The following NTNG1 variants were observed in gnomAD, a reference collection of about 807,000 sequenced individuals.
NTNG1 encodes netrin-G1.
Under a neutral mutation model 54.0 loss-of-function variants are expected in NTNG1, and 16 were observed. That is an observed-to-expected ratio of 0.30 (90% CI 0.20 to 0.45). The LOEUF (loss-of-function observed/expected upper bound fraction) is 0.45. Among genes scored for constraint, NTNG1 ranks in the 20% least tolerant of loss-of-function variants. The pLI, the probability that NTNG1 is intolerant of heterozygous loss-of-function variation, is 1.00. For synonymous variants in NTNG1, 255 were observed against 263.1 expected (o/e 0.97, Z 0.30); for missense variants, 530 against 678.7 (o/e 0.78, Z 2.43).
chr1:107,371,321 A>G (rs948511009), intron 3 of NTNG1, among the ~76,000 whole-genome samples: 1 of 152,064 alleles, frequency 6.6e-6, no homozygotes, highest in Non-Finnish European at 1.5e-5. Context: ...CACTTTACTT[A>G]GTCATCATGT....
chr1:107,302,674 A>T, intron 2 of NTNG1, among the ~76,000 whole-genome samples: 1 of 149,082 alleles, frequency 6.7e-6, no homozygotes, highest in Middle Eastern at 3.4e-3. Flanking sequence ...AGTATTATGA[A>T]TGTGAATCCT....
intron 2 of NTNG1, among the ~76,000 whole-genome samples, chr1:107,158,021 G>C (rs1655129030): frequency 6.6e-6 from 1 of 152,128 alleles, no homozygotes; most frequent in African/African-American, 2.4e-5. Context: ...TCATCTGAGT[G>C]CCTGCTTCTG....
At chr1:107,365,027 A>T (rs1670512312) in intron 3 of NTNG1, among the ~76,000 whole-genome samples, 1 of 152,244 alleles carries the variant, frequency 6.6e-6, no homozygotes, top group South Asian at 2.1e-4. Flanking sequence ...AACATTTTGG[A>T]TACATTAAAT....
chr1:107,411,777 G>A (rs986285505), intron 5 of NTNG1, among the ~76,000 whole-genome samples: 5 of 152,160 alleles, frequency 3.3e-5, no homozygotes, highest in Non-Finnish European at 5.9e-5. Context: ...GGAAAGCTAA[G>A]GTCCCAGGTG....
intron 2 of NTNG1, among the ~76,000 whole-genome samples, chr1:107,207,966 C>T (rs969315448): frequency 1.3e-5 from 2 of 152,114 alleles, no homozygotes; most frequent in Admixed American, 6.5e-5. Flanking sequence ...GACTCGCTAC[C>T]AGGGACTCGT....
At chr1:107,225,287 A>G (rs1570900315) in intron 2 of NTNG1, among the ~76,000 whole-genome samples, 1 of 152,154 alleles carries the variant, frequency 6.6e-6, no homozygotes, top group Non-Finnish European at 1.5e-5. Context: ...GCAGACATCA[A>G]AATCCAAGAC....
Position 107,220,122 on chromosome 1 carries a change from C to T in NTNG1, c.246+71283C>T, listed in dbSNP as rs774305191. 3.8e-4 allele frequency among the ~76,000 whole-genome samples: 58 copies of T among 152,134 alleles called. 1 individual carries two copies. The highest frequency in any genetic ancestry group is 1.2e-4 in the African/African-American group (5 of 41,426). On this transcript the variant is annotated intron_variant, in intron 2 of 7. Transcript: ENST00000370068. Reference sequence around the variant, plus strand: ...GTTCCCAGGGGGATTATGGATGCCTCTACTGTGTCACACAGGTTGCCAGGG... The same window carrying T: ...GTTCCCAGGGGGATTATGGATGCCTTTACTGTGTCACACAGGTTGCCAGGG...
chr1:107,430,350 T>A (rs572611209), intron 5 of NTNG1, among the ~76,000 whole-genome samples: 3 of 152,242 alleles, frequency 2.0e-5, no homozygotes, highest in Admixed American at 2.0e-4. Context: ...CCCTCTCACT[T>A]TTTTTAAGGC....
Position 107,484,273 on chromosome 1 carries a change from G to C in NTNG1, c.*3433G>C, listed in dbSNP as rs182489601. Among the ~76,000 whole-genome samples the C allele has an allele frequency of 2.8e-4, 42 of 152,282 alleles. No individual in the cohort carries two copies. The East Asian group carries it at 7.0e-3, about 25-fold the overall frequency. On this transcript the variant is annotated 3_prime_UTR_variant, in exon 8 of 8. Transcript: ENST00000370068. ...CAGGGCTGAAAAATAAAGGGATGAGGGGTAGGAAGGAGATAGACAAGGGCT... is the reference window on the plus strand; with the variant it reads ...CAGGGCTGAAAAATAAAGGGATGAGCGGTAGGAAGGAGATAGACAAGGGCT...
At chr1:107,181,490 A>G (rs181211970) in intron 2 of NTNG1, among the ~76,000 whole-genome samples, 108 of 84,354 alleles carry the variant, frequency 1.3e-3, no homozygotes, top group African/African-American at 3.7e-3. Context: ...GTTAACTTAT[A>G]TGAAAGAGAG....
chr1:107,342,044 A>G (rs961572607), intron 3 of NTNG1, among the ~76,000 whole-genome samples: 1 of 152,128 alleles, frequency 6.6e-6, no homozygotes, highest in Non-Finnish European at 1.5e-5. Context: ...TTAATAAATG[A>G]CATCAAAAAC....
At chr1:107,348,619 C>A (rs1669411105) in intron 3 of NTNG1, among the ~76,000 whole-genome samples, 1 of 152,114 alleles carries the variant, frequency 6.6e-6, no homozygotes, top group Non-Finnish European at 1.5e-5. Flanking sequence ...TTTCATTGTC[C>A]CCCTGATGAC....
intron 2 of NTNG1, among the ~76,000 whole-genome samples, chr1:107,184,935 C>T (rs912867050): frequency 6.6e-6 from 1 of 152,126 alleles, no homozygotes; most frequent in Admixed American, 6.5e-5. Context: ...ACTGGGAGAA[C>T]TCAACAGCTG....
chr1:107,217,283 T>C (rs1660033232), intron 2 of NTNG1, among the ~76,000 whole-genome samples: 1 of 152,160 alleles, frequency 6.6e-6, no homozygotes, highest in Admixed American at 6.5e-5. Flanking sequence ...GTGGTATTGG[T>C]TGTAATATCT....
At chr1:107,428,175 TTACTC>T (rs1261964086) in intron 5 of NTNG1, among the ~76,000 whole-genome samples, 2 of 152,206 alleles carry the variant, frequency 1.3e-5, no homozygotes, top group African/African-American at 2.4e-5. Flanking sequence ...TGCCCACTCT[TTACTC>T]TATTACTTTC....
intron 3 of NTNG1, among the ~76,000 whole-genome samples, chr1:107,342,995 T>G (rs565489575): frequency 6.6e-6 from 1 of 152,068 alleles, no homozygotes; most frequent in Non-Finnish European, 1.5e-5. Context: ...ATATCATGGG[T>G]ATCATCAGTG....
intron 3 of NTNG1, among the ~76,000 whole-genome samples, chr1:107,332,595 G>C (rs1457716921): frequency 6.6e-6 from 1 of 151,934 alleles, no homozygotes; most frequent in South Asian, 2.1e-4. Flanking sequence ...TTCTTAACAC[G>C]TTAGGAGATG....
intron 2 of NTNG1, among the ~76,000 whole-genome samples, chr1:107,169,489 A>T (rs1656057736): frequency 6.6e-6 from 1 of 151,986 alleles, no homozygotes; most frequent in Admixed American, 6.6e-5. Flanking sequence ...TCTCCTTCAT[A>T]TGTTCATATG....
At chr1:107,193,703 C>A (rs549199938) in intron 2 of NTNG1, among the ~76,000 whole-genome samples, 1 of 151,844 alleles carries the variant, frequency 6.6e-6, no homozygotes, top group Non-Finnish European at 1.5e-5. Flanking sequence ...TTAATGCCAC[C>A]GTCTTAGTTC....
Sources: gnomAD v4.1 joint callset for allele counts (sites outside exome capture counted in the v4.1 genomes callset) on GRCh38, gnomAD v4.1.1 for gene constraint, MANE v1.5 for transcripts, NCBI Gene and HGNC (gene_info 2026-07-23, HGNC 2026-07-21) for gene names.